PDE1C: variants seen among roughly 807,000 people sequenced by gnomAD.
PDE1C encodes phosphodiesterase 1C, also known as dual specificity calcium/calmodulin-dependent 3',5'-cyclic nucleotide phosphodiesterase 1C.
In PDE1C, 62 loss-of-function variants were observed where a neutral mutation model predicts 93.1. The observed-to-expected ratio is 0.67, with a 90% CI of 0.54 to 0.82. The LOEUF is 0.82. PDE1C is among the 40% of genes least tolerant of loss of function. The pLI is 0.00. For missense variants in PDE1C, 742 were observed against 884.6 expected (o/e 0.84, Z 2.04); for synonymous variants, 325 against 310.1 (o/e 1.05, Z -0.50).
intron 1 of PDE1C, among the ~76,000 whole-genome samples, chr7:32,059,672 T>A (rs909979998): frequency 1.6e-4 from 24 of 152,172 alleles, no homozygotes; most frequent in African/African-American, 5.5e-4. Flanking sequence ...GCTGAACTCT[T>A]CCTTTGGAAG....
chr7:32,056,776 T>C (rs550341426), intron 1 of PDE1C, among the ~76,000 whole-genome samples: 11 of 152,276 alleles, frequency 7.2e-5, no homozygotes, highest in Admixed American at 5.9e-4. Flanking sequence ...AAATCTTTCA[T>C]TGATTTTAAA....
chr7:32,375,097 G>A (rs1043248704), intron 1 of PDE1C, among the ~76,000 whole-genome samples: 8 of 152,122 alleles, frequency 5.3e-5, no homozygotes, highest in Non-Finnish European at 1.0e-4. Context: ...AGATTCATAC[G>A]GTATCCCAGG....
intron 1 of PDE1C, among the ~76,000 whole-genome samples, chr7:32,313,701 C>A (rs1334994535): frequency 6.3e-5 from 9 of 142,238 alleles, no homozygotes; most frequent in Non-Finnish European, 1.3e-4. Context: ...GGAATTGAAC[C>A]ATGAGAACAC....
chr7:31,962,252 T>C (rs1475138790), intron 2 of PDE1C, among the ~76,000 whole-genome samples: 3 of 152,202 alleles, frequency 2.0e-5, no homozygotes, highest in African/African-American at 7.2e-5. Context: ...TAAGACCTCT[T>C]TACCTTAGAA....
chr7:32,010,967 G>T (rs1382580994), intron 2 of PDE1C, among the ~76,000 whole-genome samples: 2 of 151,716 alleles, frequency 1.3e-5, no homozygotes, highest in African/African-American at 4.8e-5. Context: ...TTTTTTAGGT[G>T]GACACAATTA....
intron 6 of PDE1C, among the ~76,000 whole-genome samples, chr7:31,872,504 T>C (rs1231964664): frequency 6.6e-6 from 1 of 152,132 alleles, no homozygotes; most frequent in Non-Finnish European, 1.5e-5. Context: ...CCTATAAATA[T>C]ATACAATATT....
chr7:31,672,361 T>C, the PDE1C span, among the ~76,000 whole-genome samples: 1 of 152,176 alleles, frequency 6.6e-6, no homozygotes, highest in East Asian at 1.9e-4. Flanking sequence ...GATATATAGA[T>C]AACTTCTCCT....
intron 3 of PDE1C, among the ~76,000 whole-genome samples, chr7:32,167,668 T>C (rs753897308): frequency 1.3e-5 from 2 of 152,160 alleles, no homozygotes; most frequent in South Asian, 2.1e-4. Flanking sequence ...CTCCTGATAA[T>C]TTGGCACATT....
At chr7:31,632,352 AC>A in the PDE1C span, among the ~76,000 whole-genome samples, 3 of 152,068 alleles carry the variant, frequency 2.0e-5, no homozygotes, top group Non-Finnish European at 4.4e-5. Context: ...AGAGGCTGAA[AC>A]AGGAGAATCG....
chr7:31,963,155 C>T (rs1333051146), intron 2 of PDE1C, among the ~76,000 whole-genome samples: 4 of 152,054 alleles, frequency 2.6e-5, no homozygotes, highest in African/African-American at 9.6e-5. Flanking sequence ...AAAAGAACTG[C>T]CTATATTTAT....
chr7:32,067,485 G>A (rs1795541822), intron 1 of PDE1C, among the ~76,000 whole-genome samples: 1 of 152,162 alleles, frequency 6.6e-6, no homozygotes, highest in South Asian at 2.1e-4. Flanking sequence ...GAATGTATAG[G>A]GGACACCTCC....
chr7:32,118,966 G>A (rs1038770907), intron 3 of PDE1C, among the ~76,000 whole-genome samples: 7 of 152,150 alleles, frequency 4.6e-5, no homozygotes, highest in Non-Finnish European at 8.8e-5. Context: ...CTCCAGGATG[G>A]GGGGTAGAGG....
chr7:31,951,882 C>T lies in PDE1C; in HGVS notation c.129-71022G>A, dbSNP rs193260680. On this transcript the variant is annotated intron_variant, in intron 2 of 17. Coordinates refer to ENST00000396191, the MANE Select transcript of PDE1C (RefSeq NM_001191057.4). ...GATTTCAACTCTTACACCCCCTTCC[C>T]TCTTCCACAAGGAGATACCAGCTTA... Among the ~76,000 whole-genome samples, 391 of 152,252 alleles carry T rather than the reference C, an allele frequency of 2.6e-3. 2 individuals carry two copies. The highest frequency in any genetic ancestry group is 7.1e-3 in the Admixed American group (108 of 15,298).
intron 2 of PDE1C, among the ~76,000 whole-genome samples, chr7:31,899,132 CTTT>C (rs386409838): frequency 2.0e-4 from 17 of 85,018 alleles, no homozygotes; most frequent in Admixed American, 4.8e-4. Context: ...GGCAGTCCCA[CTTT>C]TTTTTTTTTT....
At chr7:32,346,516 G>T (rs1783855377) in intron 1 of PDE1C, among the ~76,000 whole-genome samples, 1 of 152,302 alleles carries the variant, frequency 6.6e-6, no homozygotes, top group Middle Eastern at 3.4e-3. Flanking sequence ...GCCTGTAAGG[G>T]TCTACACTCA....
chr7:31,619,187 G>A, the PDE1C span, among the ~76,000 whole-genome samples: 3 of 152,194 alleles, frequency 2.0e-5, no homozygotes, highest in Non-Finnish European at 4.4e-5. Context: ...GTACAGGCAA[G>A]GTGTCCTTTC....
chr7:32,361,030 G>A (rs1482479751), intron 1 of PDE1C, among the ~76,000 whole-genome samples: 2 of 152,210 alleles, frequency 1.3e-5, no homozygotes, highest in African/African-American at 4.8e-5. Context: ...AGGCATGGAG[G>A]AAAGGGGAGG....
chr7:32,282,194 C>T (rs118048599), intron 1 of PDE1C, among the ~76,000 whole-genome samples: 2,377 of 151,396 alleles, frequency 0.016, 40 homozygotes, highest in East Asian at 0.092. Flanking sequence ...TATAGATGGT[C>T]GGCCGGGTGT....
intron 1 of PDE1C, among the ~76,000 whole-genome samples, chr7:32,401,335 G>A (rs1484687603): frequency 1.3e-5 from 2 of 152,044 alleles, no homozygotes; most frequent in African/African-American, 2.4e-5. Flanking sequence ...TCAGGAGATC[G>A]AGACCATCCT....
Sources: gnomAD v4.1 joint callset for allele counts (sites outside exome capture counted in the v4.1 genomes callset) on GRCh38, gnomAD v4.1.1 for gene constraint, MANE v1.5 for transcripts, NCBI Gene and HGNC (gene_info 2026-07-23, HGNC 2026-07-21) for gene names.